ZNF385D: variants seen among roughly 807,000 people sequenced by gnomAD.
The protein encoded by ZNF385D is zinc finger protein 659.
Under a neutral mutation model 35.8 loss-of-function variants are expected in ZNF385D, and 15 were observed. The observed-to-expected ratio is 0.42, with a 90% CI of 0.28 to 0.64. ZNF385D has a LOEUF of 0.64. Ranked by LOEUF, ZNF385D falls within the 30% of genes least tolerant of loss-of-function variation. ZNF385D has a pLI of 0.23. For synonymous variants in ZNF385D, 212 were observed against 186.8 expected, an observed-to-expected ratio of 1.13 and a Z score of -1.10; for missense variants, 474 against 494.6, an observed-to-expected ratio of 0.96 and a Z score of 0.39.
intron 2 of ZNF385D, among the ~76,000 whole-genome samples, chr3:21,592,917 G>T (rs2064023727): frequency 1.3e-5 from 2 of 152,134 alleles, no homozygotes; most frequent in Admixed American, 6.5e-5. Context: ...GTTTTAACAT[G>T]TTCTATTCCC....
chr3:21,433,034 G>C (rs1440956495), intron 5 of ZNF385D, among the ~76,000 whole-genome samples: 6 of 152,200 alleles, frequency 3.9e-5, no homozygotes, highest in Admixed American at 3.3e-4. Context: ...ATTAGCAACA[G>C]AGAAAGAGAA....
chr3:21,928,801 C>A (rs1161787185), intron 3 of ZNF385D, among the ~76,000 whole-genome samples: 3 of 152,066 alleles, frequency 2.0e-5, no homozygotes, highest in Non-Finnish European at 4.4e-5. Context: ...AATAAGCAAT[C>A]TGAATAAATC....
intron 2 of ZNF385D, among the ~76,000 whole-genome samples, chr3:22,372,252 G>A (rs1226331181): frequency 6.6e-6 from 1 of 152,070 alleles, no homozygotes; most frequent in Non-Finnish European, 1.5e-5. Flanking sequence ...AAGAGGCTGG[G>A]GTGTGTGGAC....
Position 21,921,222 on chromosome 3 carries a change from C to CAT in ZNF385D, c.325+247594_325+247595insAT, listed in dbSNP as rs1553699564. Among the ~76,000 whole-genome samples the CAT allele has an allele frequency of 5.1e-4, 35 of 68,966 alleles. 1 individual carries two copies. The highest frequency in any genetic ancestry group is 1.9e-3 in the African/African-American group (34 of 17,894). The allele number at this position is 68,966 out of a possible 152,430, so 45.2% of individuals were successfully genotyped here. On this transcript the variant is annotated intron_variant, in intron 3 of 5. Transcript: ENST00000494108. ...TGGGCGACAGAGCGAGACTCCATCT[C>CAT]AAAAAAAAAAAAAAAAAAAAATACT...
At chr3:22,091,700 A>T (rs1283804404) in intron 3 of ZNF385D, among the ~76,000 whole-genome samples, 1 of 152,188 alleles carries the variant, frequency 6.6e-6, no homozygotes, top group African/African-American at 2.4e-5. Flanking sequence ...ACTGAAGGAG[A>T]AACTGGGTCC....
chr3:22,294,213 C>T (rs1702451344), intron 2 of ZNF385D, among the ~76,000 whole-genome samples: 1 of 152,028 alleles, frequency 6.6e-6, no homozygotes, highest in Non-Finnish European at 1.5e-5. Flanking sequence ...GGAAACAAAA[C>T]TGTGGCAGTA....
chr3:22,297,144 G>A (rs1268724624), intron 2 of ZNF385D, among the ~76,000 whole-genome samples: 3 of 152,000 alleles, frequency 2.0e-5, no homozygotes, highest in African/African-American at 7.2e-5. Context: ...AGGACCTAAA[G>A]GTCGCACTAG....
Position 21,417,912 on chromosome 3 carries a change from T to A in ZNF385D, c.*3302A>T, listed in dbSNP as rs1700586509. On this transcript the variant is annotated 3_prime_UTR_variant, in exon 8 of 8. Transcript: ENST00000281523. ...ACCTAAAGATAGAAATCCTTTCAAA[T>A]GAGGCAGGGGTGATATAAATTGCCA... 6.6e-6 allele frequency: 1 copy of A among 152,150 alleles called. No individual in the cohort carries two copies. Among genetic ancestry groups the A allele is most frequent in the Non-Finnish European group, 1.5e-5 (1 of 67,994 alleles). The allele number at this position is 152,150 out of a possible 1,614,324, so 9.4% of individuals were successfully genotyped here. A position where few individuals can be genotyped will look rare whatever the true frequency, so the allele number is the denominator to read the frequency against.
At chr3:22,310,375 C>G (rs1703472777) in intron 2 of ZNF385D, among the ~76,000 whole-genome samples, 1 of 151,916 alleles carries the variant, frequency 6.6e-6, no homozygotes, top group Non-Finnish European at 1.5e-5. Context: ...CATGATAACT[C>G]TCATCATTAC....
chr3:22,267,578 C>T (rs923759548), intron 2 of ZNF385D, among the ~76,000 whole-genome samples: 4 of 151,738 alleles, frequency 2.6e-5, no homozygotes, highest in Admixed American at 2.6e-4. Flanking sequence ...AACTCACAAC[C>T]CCAGATGAGC....
chr3:21,936,880 G>A (rs971508716), intron 3 of ZNF385D, among the ~76,000 whole-genome samples: 1 of 152,132 alleles, frequency 6.6e-6, no homozygotes, highest in African/African-American at 2.4e-5. Flanking sequence ...GTTAGGAATA[G>A]TTGTAACTAG....
At chr3:21,427,446 G>A (rs550472817) in intron 5 of ZNF385D, among the ~76,000 whole-genome samples, 1 of 152,200 alleles carries the variant, frequency 6.6e-6, no homozygotes, top group African/African-American at 2.4e-5. Context: ...GGTAGCTGGT[G>A]TTTCATAGGT....
chr3:21,969,545 C>T (rs572008762), intron 3 of ZNF385D, among the ~76,000 whole-genome samples: 12 of 152,216 alleles, frequency 7.9e-5, no homozygotes, highest in East Asian at 3.9e-4. Flanking sequence ...ATTAGGTAAA[C>T]GGACTAATTA....
At chr3:22,208,949 T>C (rs1401223454) in intron 2 of ZNF385D, among the ~76,000 whole-genome samples, 2 of 151,844 alleles carry the variant, frequency 1.3e-5, no homozygotes, top group Non-Finnish European at 2.9e-5. Flanking sequence ...GTAATGTTTG[T>C]TGCCAGTTTA....
chr3:22,309,764 C>T (rs1703435694), intron 2 of ZNF385D, among the ~76,000 whole-genome samples: 2 of 151,896 alleles, frequency 1.3e-5, no homozygotes, highest in African/African-American at 4.8e-5. Context: ...TCTCTCTCTT[C>T]CTTGTAAATG....
chr3:21,560,166 G>C (rs1178229911), intron 3 of ZNF385D, among the ~76,000 whole-genome samples: 1 of 152,108 alleles, frequency 6.6e-6, no homozygotes, highest in Non-Finnish European at 1.5e-5. Flanking sequence ...CTGTCAATTC[G>C]TCAAACTCAT....
intron 2 of ZNF385D, among the ~76,000 whole-genome samples, chr3:22,321,885 T>C (rs1694453654): frequency 6.6e-6 from 1 of 152,074 alleles, no homozygotes; most frequent in African/African-American, 2.4e-5. Context: ...ACTCCCTTTA[T>C]TGAGTGTCTC....
At chr3:22,246,280 A>T (rs1289249279) in intron 2 of ZNF385D, among the ~76,000 whole-genome samples, 1 of 152,056 alleles carries the variant, frequency 6.6e-6, no homozygotes, top group Non-Finnish European at 1.5e-5. Flanking sequence ...TCAGTTCTTA[A>T]ATTTATGTTA....
At chr3:22,103,395 T>C (rs2125629256) in intron 3 of ZNF385D, among the ~76,000 whole-genome samples, 1 of 152,116 alleles carries the variant, frequency 6.6e-6, no homozygotes, top group South Asian at 2.1e-4. Flanking sequence ...ACCTACAAAG[T>C]AAACATCTGC....
Sources: allele counts gnomAD v4.1 joint callset (sites outside exome capture counted in the v4.1 genomes callset), GRCh38; gene constraint gnomAD v4.1.1; transcripts MANE v1.5; gene names NCBI Gene and HGNC (gene_info 2026-07-23, HGNC 2026-07-21).